Variants in CDH13 observed in about 807,000 individuals in gnomAD.
CDH13 encodes cadherin 13, also known as cadherin-13.
A neutral mutation model predicts 63.8 loss-of-function variants in CDH13; 24 were observed. The observed-to-expected ratio is 0.38, with a 90% CI of 0.27 to 0.53. CDH13 has a LOEUF of 0.53. Ranked by LOEUF, CDH13 falls within the 20% of genes least tolerant of loss-of-function variation. The pLI, the probability that CDH13 is intolerant of heterozygous loss-of-function variation, is 0.85. For synonymous variants in CDH13, 503 were observed against 355.3 expected (o/e 1.42, Z -4.67); for missense variants, 1,049 against 903.1 (o/e 1.16, Z -2.07).
At chr16:82,813,656 G>C (rs1293452617) in intron 1 of CDH13, among the ~76,000 whole-genome samples, 3 of 152,222 alleles carry the variant, frequency 2.0e-5, no homozygotes, top group East Asian at 1.9e-4. Context: ...GCTGGACTTT[G>C]CATGTCTCTC....
At chr16:83,354,356 C>A (rs901574109) in intron 6 of CDH13, among the ~76,000 whole-genome samples, 1 of 152,174 alleles carries the variant, frequency 6.6e-6, no homozygotes, top group South Asian at 2.1e-4. Flanking sequence ...CAAATCAATT[C>A]TTCATAACCA....
intron 5 of CDH13, among the ~76,000 whole-genome samples, chr16:83,291,453 C>A (rs2089464239): frequency 6.6e-6 from 1 of 152,204 alleles, no homozygotes; most frequent in East Asian, 1.9e-4. Flanking sequence ...CTTCCACCAC[C>A]TGATAGTGCA....
Position 83,761,549 on chromosome 16 carries a change from G to A in CDH13, c.1681+13299G>A, listed in dbSNP as rs75219133. Among the ~76,000 whole-genome samples, 491 of 152,298 alleles carry A rather than the reference G, an allele frequency of 3.2e-3. 3 individuals are homozygous for A. Among genetic ancestry groups the A allele is most frequent in the African/African-American group, 0.011 (476 of 41,564 alleles). ...AAAATGGAAATGAGGCACAAAAGCA[G>A]CTGGATTGGTTACACTCGGCATTTG... On this transcript the variant is annotated intron_variant, in intron 11 of 13. Transcript: ENST00000567109.
intron 1 of CDH13, among the ~76,000 whole-genome samples, chr16:82,836,243 G>C (rs1279620401): frequency 6.6e-6 from 1 of 152,064 alleles, no homozygotes; most frequent in South Asian, 2.1e-4. Flanking sequence ...CCACCTCCTG[G>C]GTTCAAGCGA....
At position 83,425,569 on chromosome 16, in the gene CDH13, G is replaced by T. The variant is rs563572665; in HGVS notation, c.782-60908G>T. On this transcript the variant is annotated intron_variant, in intron 6 of 13. Coordinates refer to ENST00000567109, the MANE Select transcript of CDH13 (RefSeq NM_001257.5). ...TTAACTCCCTCAAAAATATCCTTCT[G>T]CTAATTCCTCTCCCTTCCCCTCTCT... 2.0e-5 allele frequency among the ~76,000 whole-genome samples: 3 copies of T among 152,236 alleles called. No individual in the cohort carries two copies. In the East Asian group the frequency reaches 5.8e-4, roughly 29 times the overall value.
intron 6 of CDH13, among the ~76,000 whole-genome samples, chr16:83,419,534 A>C (rs1163146680): frequency 6.6e-6 from 1 of 152,236 alleles, no homozygotes; most frequent in Non-Finnish European, 1.5e-5. Context: ...CCAAGACATT[A>C]CAGAACAATT....
intron 7 of CDH13, among the ~76,000 whole-genome samples, chr16:83,535,952 GAAGAAAAGAA>G (rs72331325): frequency 1.6e-4 from 24 of 149,410 alleles, no homozygotes; most frequent in East Asian, 1.0e-3. Flanking sequence ...AGGAAGGAAG[GAAGAAAAGAA>G]AAGAAAAGAA....
At chr16:83,612,257 G>A (rs550977807) in intron 8 of CDH13, among the ~76,000 whole-genome samples, 1 of 151,998 alleles carries the variant, frequency 6.6e-6, no homozygotes, top group South Asian at 2.1e-4. Flanking sequence ...ATCATGAAAT[G>A]TACCTCTCTA....
At chr16:83,206,979 G>C (rs28429871) in intron 4 of CDH13, among the ~76,000 whole-genome samples, 2 of 152,154 alleles carry the variant, frequency 1.3e-5, no homozygotes, top group African/African-American at 4.8e-5. Flanking sequence ...AAAATACTTC[G>C]GAATGTGACA....
At chr16:82,754,246 A>G (rs1171209909) in intron 1 of CDH13, among the ~76,000 whole-genome samples, 2 of 152,214 alleles carry the variant, frequency 1.3e-5, no homozygotes, top group African/African-American at 2.4e-5. Context: ...GTCCTAAAAC[A>G]TAAATTTTAA....
intron 6 of CDH13, among the ~76,000 whole-genome samples, chr16:83,415,228 G>A (rs1355978800): frequency 1.3e-5 from 2 of 151,964 alleles, no homozygotes; most frequent in Non-Finnish European, 2.9e-5. Context: ...AGATTAAATC[G>A]TGAAGAAATA....
chr16:83,050,705 C>T (rs1246377495), intron 3 of CDH13, among the ~76,000 whole-genome samples: 1 of 152,098 alleles, frequency 6.6e-6, no homozygotes, highest in African/African-American at 2.4e-5. Flanking sequence ...CAGCGCATCT[C>T]CACCCGTACA....
At chr16:83,121,885 T>C (rs1352572422) in intron 3 of CDH13, among the ~76,000 whole-genome samples, 1 of 152,200 alleles carries the variant, frequency 6.6e-6, no homozygotes, top group Non-Finnish European at 1.5e-5. Context: ...AGAATGGCTA[T>C]TTATAGATGC....
intron 10 of CDH13, chr16:83,729,120 T>A (rs1378551525): frequency 6.6e-6 from 1 of 152,122 alleles, no homozygotes; most frequent in Non-Finnish European, 1.5e-5. Context: ...GAGGCCCACC[T>A]CCAAGTACTG....
chr16:83,213,350 G>T (rs2039392589), intron 4 of CDH13, among the ~76,000 whole-genome samples: 1 of 152,198 alleles, frequency 6.6e-6, no homozygotes, highest in South Asian at 2.1e-4. Flanking sequence ...TCAGCTTTCT[G>T]TGCCGAGTGG....
At chr16:83,618,084 C>T (rs1420278778) in intron 8 of CDH13, among the ~76,000 whole-genome samples, 2 of 152,124 alleles carry the variant, frequency 1.3e-5, no homozygotes, top group African/African-American at 4.8e-5. Context: ...AATAAATGGT[C>T]GATGCTTGAC....
chr16:83,215,597 G>C (rs1597532176), intron 4 of CDH13, among the ~76,000 whole-genome samples: 1 of 151,686 alleles, frequency 6.6e-6, no homozygotes, highest in Admixed American at 6.6e-5. Flanking sequence ...CCTGGTGTCA[G>C]ACATCGGAAT....
intron 4 of CDH13, among the ~76,000 whole-genome samples, chr16:83,131,041 ATTAG>A (rs1442934198): frequency 1.3e-5 from 2 of 152,166 alleles, no homozygotes; most frequent in Non-Finnish European, 2.9e-5. Context: ...CTGCCAAGTA[ATTAG>A]TTGGTTGGTA....
chr16:83,247,897 C>T (rs1905123003), intron 5 of CDH13, among the ~76,000 whole-genome samples: 1 of 152,166 alleles, frequency 6.6e-6, no homozygotes, highest in Non-Finnish European at 1.5e-5. Flanking sequence ...TCAAAGAGAG[C>T]TACTGTTCTT....
Sources: allele counts gnomAD v4.1 joint callset (sites outside exome capture counted in the v4.1 genomes callset), GRCh38; gene constraint gnomAD v4.1.1; transcripts MANE v1.5; gene names NCBI Gene and HGNC (gene_info 2026-07-23, HGNC 2026-07-21).